The following GALNT2 variants were observed in gnomAD, a reference collection of about 807,000 sequenced individuals.
GALNT2 encodes the protein polypeptide N-acetylgalactosaminyltransferase 2.
Under a neutral mutation model 81.4 loss-of-function variants are expected in GALNT2, and 31 were observed. The observed-to-expected ratio is 0.38, with a 90% CI of 0.29 to 0.51. The LOEUF (loss-of-function observed/expected upper bound fraction) is 0.51, where lower values mean the gene tolerates loss of function less well. GALNT2 is among the 20% of genes least tolerant of loss of function. The probability of loss-of-function intolerance (pLI) is 0.87; values close to 1 mark genes in which losing one functional copy is unlikely to be tolerated. For missense variants in GALNT2, 629 were observed against 765.7 expected (o/e 0.82, Z 2.11); for synonymous variants, 303 against 287.4 (o/e 1.05, Z -0.55).
At chr1:230,088,712 T>C (rs1289752720) in intron 1 of GALNT2, among the ~76,000 whole-genome samples, 1 of 152,052 alleles carries the variant, frequency 6.6e-6, no homozygotes. Flanking sequence ...TAATTTTTCA[T>C]AGTTTTAGTA....
At chr1:230,184,420 A>G (rs1408877550) in intron 2 of GALNT2, among the ~76,000 whole-genome samples, 1 of 151,876 alleles carries the variant, frequency 6.6e-6, no homozygotes, top group Non-Finnish European at 1.5e-5. Context: ...CGATCTCCTG[A>G]CCTCGTGATC....
At chr1:230,234,745 TTC>T (rs1174933486) in intron 3 of GALNT2, among the ~76,000 whole-genome samples, 4 of 152,188 alleles carry the variant, frequency 2.6e-5, no homozygotes, top group African/African-American at 9.6e-5. Flanking sequence ...AGGTGTGTTG[TTC>T]TCTCAGGATT....
At chr1:230,101,403 C>A (rs924750943) in intron 1 of GALNT2, among the ~76,000 whole-genome samples, 3 of 152,228 alleles carry the variant, frequency 2.0e-5, no homozygotes, top group African/African-American at 7.2e-5. Context: ...GTCGGATGCC[C>A]CCGTGTTCTG....
intron 3 of GALNT2, among the ~76,000 whole-genome samples, chr1:230,214,111 TTTAC>T (rs1242851288): frequency 8.5e-6 from 1 of 118,236 alleles, no homozygotes; most frequent in Non-Finnish European, 1.6e-5. Flanking sequence ...ACATCTTAAC[TTTAC>T]TTTTTTTTTT....
intron 1 of GALNT2, among the ~76,000 whole-genome samples, chr1:230,102,407 T>G (rs1302784838): frequency 6.6e-6 from 1 of 152,132 alleles, no homozygotes; most frequent in Non-Finnish European, 1.5e-5. Context: ...ACGTGGCAAT[T>G]TTGGTCTTCA....
intron 1 of GALNT2, among the ~76,000 whole-genome samples, chr1:230,112,018 G>A (rs1660718964): frequency 6.6e-6 from 1 of 152,006 alleles, no homozygotes; most frequent in Non-Finnish European, 1.5e-5. Context: ...GGAATTTATT[G>A]TGGGGACATG....
intron 3 of GALNT2, among the ~76,000 whole-genome samples, chr1:230,213,766 T>C (rs1378548468): frequency 2.0e-5 from 3 of 152,246 alleles, no homozygotes. Context: ...TCTTGACTAG[T>C]AAGTCCACAT....
At chr1:230,256,661 TC>T (rs879343847) in intron 11 of GALNT2, among the ~76,000 whole-genome samples, 1 of 152,140 alleles carries the variant, frequency 6.6e-6, no homozygotes, top group Non-Finnish European at 1.5e-5. Flanking sequence ...GGAAGGGCTT[TC>T]CGAAAGTAAA....
At chr1:230,245,980 G>A in intron 7 of GALNT2, 83 bp from the exon 8 acceptor site, 2 of 1,172,044 alleles carry the variant, frequency 1.7e-6, no homozygotes, top group Non-Finnish European at 2.6e-6. Context: ...CCCTGTGCCT[G>A]CCTAATACTA....
At chr1:230,167,312 A>G (rs1348886342) in intron 1 of GALNT2, among the ~76,000 whole-genome samples, 1 of 151,896 alleles carries the variant, frequency 6.6e-6, no homozygotes, top group East Asian at 1.9e-4. Flanking sequence ...CACCTGGCTA[A>G]TTTTTAAAAT....
At chr1:230,161,066 A>G (rs371310605) in intron 1 of GALNT2, among the ~76,000 whole-genome samples, 104 of 152,242 alleles carry the variant, frequency 6.8e-4, no homozygotes, top group African/African-American at 2.3e-3. Context: ...GTTACCTTTG[A>G]TCCCTAGCAA....
Position 230,079,289 on chromosome 1 carries a change from T to G in GALNT2, c.126+11883T>G, listed in dbSNP as rs79401335. ...CCTGGTACTTCAAATTTATGTCAGC[T>G]TTGTCTCTGAGATGTCTGAAATGCT... On this transcript the variant is annotated intron_variant, in intron 1 of 15. Coordinates refer to ENST00000366672, the MANE Select transcript of GALNT2 (RefSeq NM_004481.5). 5.4e-3 allele frequency among the ~76,000 whole-genome samples: 821 copies of G among 152,386 alleles called. 7 individuals carry two copies. Among genetic ancestry groups the G allele is most frequent in the African/African-American group, 0.019 (795 of 41,596 alleles).
At position 230,067,241 on chromosome 1, in the gene GALNT2, C is replaced by A. The variant is rs778442919; in HGVS notation, c.-40C>A. On this transcript the variant is annotated 5_prime_UTR_variant, in exon 1 of 16. Coordinates refer to ENST00000366672, the MANE Select transcript of GALNT2 (RefSeq NM_004481.5). ...GCCCGCGGCCGGCCCAGGCAGCACTCGCGAGCAGCGGCGGCCCCGCCGGCG... is the reference window on the plus strand; with the variant it reads ...GCCCGCGGCCGGCCCAGGCAGCACTAGCGAGCAGCGGCGGCCCCGCCGGCG... 3.4e-5 allele frequency: 42 copies of A among 1,239,130 alleles called. No individual in the cohort carries two copies. Among genetic ancestry groups the A allele is most frequent in the East Asian group, 7.3e-5 (2 of 27,428 alleles). 76.8% of individuals were successfully genotyped at this position (1,239,130 alleles called of 1,614,324 possible). A position where few individuals can be genotyped will look rare whatever the true frequency, so the allele number is the denominator to read the frequency against.
At chr1:230,158,410 G>A (rs1662327760) in intron 1 of GALNT2, among the ~76,000 whole-genome samples, 1 of 152,222 alleles carries the variant, frequency 6.6e-6, no homozygotes, top group Non-Finnish European at 1.5e-5. Flanking sequence ...ACTAAGGCAT[G>A]AAAACATTAA....
chr1:230,067,454 C>T, intron 1 of GALNT2, 48 bp downstream of exon 1: 1 of 726,130 alleles, frequency 1.4e-6, no homozygotes. Flanking sequence ...CCACCCCCCA[C>T]CCTGCGCCCC....
intron 1 of GALNT2, among the ~76,000 whole-genome samples, chr1:230,075,967 T>C (rs1282944047): frequency 6.6e-6 from 1 of 152,176 alleles, no homozygotes; most frequent in African/African-American, 2.4e-5. Context: ...TGGTTTCTTT[T>C]GCTAAACAAA....
At chr1:230,231,712 T>C (rs1664871296) in intron 3 of GALNT2, among the ~76,000 whole-genome samples, 1 of 152,208 alleles carries the variant, frequency 6.6e-6, no homozygotes, top group African/African-American at 2.4e-5. Context: ...AATTTAAAGC[T>C]AAATAAAGGA....
rs1216830547 is a variant in GALNT2, at chr1:230,279,665, C to T, written c.*207C>T. The T allele has an allele frequency of 7.6e-5, 48 of 631,480 alleles. No individual in the cohort carries two copies. The highest frequency in any genetic ancestry group is 2.4e-5 in the Non-Finnish European group (9 of 370,174). 39.1% of individuals were successfully genotyped at this position (631,480 alleles called of 1,614,324 possible). A position where few individuals can be genotyped will look rare whatever the true frequency, so the allele number is the denominator to read the frequency against. On this transcript the variant is annotated 3_prime_UTR_variant, in exon 16 of 16. Transcript: ENST00000366672. This position sits in a 1 kb window ranked among gnomAD's most constrained non-coding sequence, Gnocchi z 4.6. ...GCGAGAACTGCCCTCCCCCTCCTCT[C>T]GGTGCAGCCCAGCCGGGCCCCCTTC... is the stretch of plus-strand genomic sequence containing the variant.
At chr1:230,153,119 A>G (rs1662140242) in intron 1 of GALNT2, among the ~76,000 whole-genome samples, 1 of 152,152 alleles carries the variant, frequency 6.6e-6, no homozygotes, top group Non-Finnish European at 1.5e-5. Flanking sequence ...GCTGGAGTGC[A>G]GTGGCGTGAT....
Sources: allele counts gnomAD v4.1 joint callset (sites outside exome capture counted in the v4.1 genomes callset), GRCh38; gene constraint gnomAD v4.1.1; non-coding constraint Gnocchi (gnomAD v3.1); transcripts MANE v1.5; gene names NCBI Gene and HGNC (gene_info 2026-07-23, HGNC 2026-07-21).